The following LIG1 variants were observed in gnomAD, a reference collection of about 807,000 sequenced individuals.
LIG1 encodes ligase I, DNA, ATP-dependent.
Under a neutral mutation model 115.7 loss-of-function variants are expected in LIG1, and 70 were observed. The observed-to-expected ratio is 0.60, with a 90% CI of 0.50 to 0.74. The LOEUF is 0.74. Among genes scored for constraint, LIG1 ranks in the 30% least tolerant of loss-of-function variants. LIG1 has a pLI of 0.00. For synonymous variants in LIG1, 487 were observed against 495.3 expected (o/e 0.98, Z 0.22); for missense variants, 1,115 against 1,225.6 (o/e 0.91, Z 1.35).
intron 5 of LIG1, among the ~76,000 whole-genome samples, chr19:48,156,015 C>G (rs988420931): frequency 1.3e-5 from 2 of 152,178 alleles, no homozygotes; most frequent in Non-Finnish European, 2.9e-5. Context: ...TCACACTGCC[C>G]CGCATTACGA....
chr19:48,161,351 G>C, intron 4 of LIG1, 21 bp downstream of exon 4: 1 of 1,614,104 alleles, frequency 6.2e-7, no homozygotes, highest in Non-Finnish European at 8.5e-7. Context: ...GGTAAAAATG[G>C]GCAGGGTGAT....
At position 48,122,883 on chromosome 19, in the gene LIG1, C is replaced by G. The variant is rs770331254; in HGVS notation, c.2232+51G>C. 23 of 1,539,940 alleles carry G rather than the reference C, an allele frequency of 1.5e-5. No homozygotes were observed. In the Admixed American group the frequency reaches 3.0e-4, roughly 20 times the overall value. ...CTCGAAATCCACTGCCTAGCTGGGA[C>G]AGACCTCCAGACCCGGGGTGGAGAA... is the stretch of plus-strand genomic sequence containing the variant. On this transcript the variant is annotated intron_variant, in intron 23 of 27. Coordinates refer to ENST00000263274, the MANE Select transcript of LIG1 (RefSeq NM_000234.3). This position sits in a 1 kb window ranked among gnomAD's most constrained non-coding sequence, Gnocchi z 4.3.
At chr19:48,119,659 C>G (rs1226892492) in intron 24 of LIG1, among the ~76,000 whole-genome samples, 1 of 151,842 alleles carries the variant, frequency 6.6e-6, no homozygotes, top group Non-Finnish European at 1.5e-5. Flanking sequence ...CTGCCTCAGC[C>G]TCCCAAGTAG....
intron 21 of LIG1, chr19:48,123,586 TA>T (rs769657480): frequency 1.8e-6 from 1 of 542,702 alleles, no homozygotes; most frequent in Non-Finnish European, 3.3e-6. Context: ...GAGCTTGAAT[TA>T]ACACTTTACG....
chr19:48,125,727 G>A (rs773987931), intron 21 of LIG1, among the ~76,000 whole-genome samples: 2 of 152,166 alleles, frequency 1.3e-5, no homozygotes, highest in African/African-American at 4.8e-5. Context: ...GGTGGCTCAC[G>A]CCTGTAAATC....
chr19:48,120,807 T>A (rs1045187445), intron 24 of LIG1: 3 of 532,332 alleles, frequency 5.6e-6, no homozygotes, highest in Non-Finnish European at 7.7e-6. Context: ...AAAAAAAAAA[T>A]GTGGGGACAA....
chr19:48,120,913 T>C (rs1019408029), intron 24 of LIG1: 13 of 1,314,900 alleles, frequency 9.9e-6, no homozygotes, highest in African/African-American at 9.1e-5. Context: ...TCTTTTCTTA[T>C]GTGAGCCACC....
chr19:48,123,247 C>T lies in LIG1; in HGVS notation c.2076G>A (p.Glu692=). The change falls in exon 22 of 28, where the codon GAG becomes GAA. Residue 692 remains glutamate, a synonymous_variant. Transcript: ENST00000263274. ...LRENFVETEG[E]FVFATSLDTK... The stretch of plus-strand genomic sequence containing the variant: ...TGTCCAGGGAGGTGGCGAAGACAAA[C>T]TCGCCCTCTGTCTCCACAAAGTTCT... 1 of 1,614,160 alleles carries T rather than the reference C, an allele frequency of 6.2e-7. No homozygotes were observed. Among genetic ancestry groups the T allele is most frequent in the Non-Finnish European group, 8.5e-7 (1 of 1,180,034 alleles).
intron 24 of LIG1, chr19:48,120,407 T>C (rs2033180024): frequency 2.0e-6 from 2 of 985,204 alleles, no homozygotes; most frequent in Admixed American, 6.2e-5. Context: ...AAATAAAACA[T>C]TCCCTCAAAT....
Position 48,157,096 on chromosome 19 carries a change from G to A in LIG1, c.288C>T (p.Ala96=), listed in dbSNP as rs746075417. 1 of 1,613,800 alleles carries A rather than the reference G, an allele frequency of 6.2e-7. No individual in the cohort carries two copies. Among genetic ancestry groups the A allele is most frequent in the Non-Finnish European group, 8.5e-7 (1 of 1,179,806 alleles). ...DCSQVSPPRP[A]TSPENNASLS... ...GGGAAGCATTGTTCTCAGGAGATGTGGCAGGACGGGGCGGGGAGACCTGTG... is the reference window on the plus strand; with the variant it reads ...GGGAAGCATTGTTCTCAGGAGATGTAGCAGGACGGGGCGGGGAGACCTGTG... The change falls in exon 5 of 28, where the codon GCC becomes GCT. Residue 96 remains alanine (A), a synonymous_variant. Transcript: ENST00000263274.
At chr19:48,126,606 C>CAAA (rs1053509897) in intron 21 of LIG1, among the ~76,000 whole-genome samples, 1 of 103,594 alleles carries the variant, frequency 9.7e-6, no homozygotes, top group Non-Finnish European at 2.0e-5. Context: ...ACTCTTATCT[C>CAAA]AAAAAAAAAA....
chr19:48,127,269 G>T lies in LIG1; in HGVS notation c.2004+8C>A. 6.2e-7 allele frequency: 1 copy of T among 1,612,076 alleles called. No individual in the cohort carries two copies. Among genetic ancestry groups the T allele is most frequent in the South Asian group, 1.1e-5 (1 of 91,028 alleles). Reference sequence around the variant, plus strand: ...TCAGCTGCCCCTGGACAGGAAGCTGGAACTCACCTCTCCATTGAGGTAGAT... The same window carrying T: ...TCAGCTGCCCCTGGACAGGAAGCTGTAACTCACCTCTCCATTGAGGTAGAT... On this transcript the variant is annotated splice_region_variant and intron_variant, in intron 21 of 27. Coordinates refer to ENST00000263274, the MANE Select transcript of LIG1 (RefSeq NM_000234.3).
At chr19:48,161,206 G>T in intron 4 of LIG1, 166 bp downstream of exon 4, 1 of 968,608 alleles carries the variant, frequency 1.0e-6, no homozygotes, top group Non-Finnish European at 1.6e-6. Flanking sequence ...CTAGGGCAGG[G>T]GCAATTAGGA....
intron 11 of LIG1, among the ~76,000 whole-genome samples, chr19:48,142,647 T>C (rs2034847343): frequency 6.6e-6 from 1 of 151,920 alleles, no homozygotes; most frequent in South Asian, 2.1e-4. Context: ...ATGATAATTT[T>C]GTTTGTTTGT....
Position 48,122,860 on chromosome 19 carries a change from C to T in LIG1, c.2232+74G>A, listed in dbSNP as rs55932327. 2.9e-5 allele frequency: 40 copies of T among 1,385,926 alleles called. No homozygotes were observed. The East Asian group carries it at 5.9e-4, about 21-fold the overall frequency. The allele number at this position is 1,385,926 out of a possible 1,614,324, so 85.9% of individuals were successfully genotyped here. Reference sequence around the variant, plus strand: ...TCAGACAGGGTACACAGTGGAGGCTCGAAATCCACTGCCTAGCTGGGACAG... The same window carrying T: ...TCAGACAGGGTACACAGTGGAGGCTTGAAATCCACTGCCTAGCTGGGACAG... On this transcript the variant is annotated intron_variant, in intron 23 of 27. Coordinates refer to ENST00000263274, the MANE Select transcript of LIG1 (RefSeq NM_000234.3). The surrounding 1 kb of genome is among the most constrained non-coding windows in gnomAD (Gnocchi z 4.3).
At chr19:48,155,411 C>T (rs575833818) in intron 5 of LIG1, among the ~76,000 whole-genome samples, 1 of 152,268 alleles carries the variant, frequency 6.6e-6, no homozygotes, top group African/African-American at 2.4e-5. Context: ...GTTCCCATCT[C>T]GAGGCCTCTG....
At chr19:48,127,185 G>C in intron 21 of LIG1, 92 bp downstream of exon 21, 2 of 1,024,126 alleles carry the variant, frequency 2.0e-6, no homozygotes, top group Non-Finnish European at 1.5e-6. Flanking sequence ...TGAAGTGGCA[G>C]AGTCGGAAAT....
intron 5 of LIG1, among the ~76,000 whole-genome samples, chr19:48,155,479 C>A (rs2035776454): frequency 6.6e-6 from 1 of 152,174 alleles, no homozygotes; most frequent in Admixed American, 6.5e-5. Flanking sequence ...TGGCCAACCC[C>A]AACCCATCTT....
At chr19:48,118,170 T>C (rs1052469824) in intron 25 of LIG1, among the ~76,000 whole-genome samples, 1 of 151,768 alleles carries the variant, frequency 6.6e-6, no homozygotes, top group African/African-American at 2.4e-5. Flanking sequence ...GGGACAGAGA[T>C]GTAGAGAGAG....
Sources: allele counts gnomAD v4.1 joint callset (sites outside exome capture counted in the v4.1 genomes callset), GRCh38; gene constraint gnomAD v4.1.1; non-coding constraint Gnocchi (gnomAD v3.1); transcripts MANE v1.5; gene names NCBI Gene and HGNC (gene_info 2026-07-23, HGNC 2026-07-21).